APBB1IP: variants seen among roughly 807,000 people sequenced by gnomAD.
APBB1IP encodes amyloid beta precursor protein binding family B member 1 interacting protein, also known as amyloid beta A4 precursor protein-binding family B member 1-interacting protein.
In APBB1IP, 27 loss-of-function variants were observed where a neutral mutation model predicts 64.9. That is an observed-to-expected ratio of 0.42 (90% CI 0.31 to 0.57). APBB1IP has a LOEUF of 0.57. Ranked by LOEUF, APBB1IP falls within the 20% of genes least tolerant of loss-of-function variation. The pLI, the probability that APBB1IP is intolerant of heterozygous loss-of-function variation, is 0.20. For missense variants in APBB1IP, 812 were observed against 845.5 expected (o/e 0.96, Z 0.49); for synonymous variants, 392 against 331.0 (o/e 1.18, Z -2.00).
chr10:26,526,952 A>G (rs140863178), intron 8 of APBB1IP, among the ~76,000 whole-genome samples: 3 of 152,258 alleles, frequency 2.0e-5, no homozygotes, highest in Non-Finnish European at 4.4e-5. Context: ...CAGAAACACA[A>G]CTTCTTTGCC....
chr10:26,550,036 T>A (rs1486731667), intron 11 of APBB1IP, among the ~76,000 whole-genome samples: 3 of 152,044 alleles, frequency 2.0e-5, no homozygotes, highest in Non-Finnish European at 2.9e-5. Context: ...GTTTTTTTTT[T>A]AATCTTTTTT....
At chr10:26,443,331 G>T (rs1835356411) in intron 2 of APBB1IP, among the ~76,000 whole-genome samples, 1 of 151,854 alleles carries the variant, frequency 6.6e-6, no homozygotes, top group Admixed American at 6.6e-5. Flanking sequence ...GGCTGAGGCA[G>T]GAGAATCGCT....
At chr10:26,471,273 G>A (rs1309652249) in intron 2 of APBB1IP, among the ~76,000 whole-genome samples, 2 of 152,104 alleles carry the variant, frequency 1.3e-5, no homozygotes, top group Admixed American at 6.6e-5. Context: ...CAAGAGATAC[G>A]TGCACAAAAT....
intron 2 of APBB1IP, among the ~76,000 whole-genome samples, chr10:26,471,551 T>C (rs1835715208): frequency 6.6e-6 from 1 of 152,204 alleles, no homozygotes. Flanking sequence ...CAGATTCTTC[T>C]GATATAAAGT....
intron 11 of APBB1IP, among the ~76,000 whole-genome samples, chr10:26,556,071 T>A (rs1050583217): frequency 6.6e-6 from 1 of 152,200 alleles, no homozygotes; most frequent in African/African-American, 2.4e-5. Flanking sequence ...TAAGTGCCCT[T>A]TAAGCAGTGA....
intron 13 of APBB1IP, among the ~76,000 whole-genome samples, chr10:26,561,656 C>T (rs1836974337): frequency 2.0e-5 from 3 of 152,034 alleles, no homozygotes; most frequent in Admixed American, 2.0e-4. Flanking sequence ...TGTCTTGCAC[C>T]CAATCCTGGA....
chr10:26,533,994 G>A (rs1836587293), intron 9 of APBB1IP, among the ~76,000 whole-genome samples: 1 of 151,856 alleles, frequency 6.6e-6, no homozygotes, highest in Admixed American at 6.6e-5. Context: ...GAACCTGACA[G>A]ATTCCGAATT....
chr10:26,492,874 G>T lies in APBB1IP; in HGVS notation c.72+476G>T, dbSNP rs1835974187. On this transcript the variant is annotated intron_variant, in intron 3 of 14. Transcript: ENST00000376236. ...TGTCATTGGTAAACATCTTAACAGG[G>T]TTCAAGAGCAGAGAACCAGTCTGAC... Among the ~76,000 whole-genome samples, 5 of 152,124 alleles carry T rather than the reference G, an allele frequency of 3.3e-5. No homozygotes were observed. The South Asian group carries it at 1.0e-3, about 31-fold the overall frequency.
At chr10:26,555,365 G>A (rs1836882376) in intron 11 of APBB1IP, among the ~76,000 whole-genome samples, 1 of 152,108 alleles carries the variant, frequency 6.6e-6, no homozygotes, top group Non-Finnish European at 1.5e-5. Context: ...ATGGTTTCCA[G>A]ACCTCAGCCA....
intron 6 of APBB1IP, among the ~76,000 whole-genome samples, chr10:26,511,300 C>T (rs778963267): frequency 5.7e-4 from 86 of 152,208 alleles, no homozygotes; most frequent in Non-Finnish European, 9.6e-4. Flanking sequence ...GCTGAGATCA[C>T]GCCACTGCAC....
chr10:26,504,640 G>T (rs1204586704), intron 6 of APBB1IP, among the ~76,000 whole-genome samples: 2 of 151,934 alleles, frequency 1.3e-5, no homozygotes, highest in Non-Finnish European at 2.9e-5. Flanking sequence ...AGCCCAGAAG[G>T]CGGAGGTTGC....
chr10:26,481,272 T>C (rs889461847), intron 2 of APBB1IP, among the ~76,000 whole-genome samples: 4 of 152,112 alleles, frequency 2.6e-5, no homozygotes, highest in East Asian at 1.9e-4. Flanking sequence ...GGGAACATTT[T>C]TGGGTGTTGT....
intron 6 of APBB1IP, among the ~76,000 whole-genome samples, chr10:26,505,642 G>A (rs1006905210): frequency 6.6e-6 from 1 of 151,878 alleles, no homozygotes; most frequent in Admixed American, 6.6e-5. Flanking sequence ...ACCACACCTG[G>A]CCTCAGCTAA....
intron 2 of APBB1IP, among the ~76,000 whole-genome samples, chr10:26,485,982 C>A (rs556339594): frequency 6.6e-6 from 1 of 152,108 alleles, no homozygotes; most frequent in South Asian, 2.1e-4. Context: ...GTAATCCCAG[C>A]ATTTTGGGAG....
At chr10:26,531,463 C>A (rs1340096677) in intron 8 of APBB1IP, among the ~76,000 whole-genome samples, 1 of 152,078 alleles carries the variant, frequency 6.6e-6, no homozygotes, top group African/African-American at 2.4e-5. Flanking sequence ...GTCAGGAGAT[C>A]GAGACCATCC....
At chr10:26,538,174 C>A (rs1836651591) in intron 10 of APBB1IP, among the ~76,000 whole-genome samples, 1 of 152,122 alleles carries the variant, frequency 6.6e-6, no homozygotes, top group African/African-American at 2.4e-5. Context: ...GAAAGTTTTT[C>A]TTTACACAAA....
intron 2 of APBB1IP, among the ~76,000 whole-genome samples, chr10:26,489,543 G>A (rs1030298183): frequency 1.3e-5 from 2 of 152,108 alleles, no homozygotes; most frequent in Admixed American, 6.6e-5. Flanking sequence ...ACTGATTCAC[G>A]CAAAATGATT....
At chr10:26,523,103 C>T (rs1430944563) in intron 8 of APBB1IP, among the ~76,000 whole-genome samples, 1 of 151,966 alleles carries the variant, frequency 6.6e-6, no homozygotes, top group African/African-American at 2.4e-5. Flanking sequence ...CATTTTCCCC[C>T]TGGTTAATTC....
chr10:26,503,055 T>C, intron 5 of APBB1IP, 142 bp from the exon 6 acceptor site: 1 of 703,882 alleles, frequency 1.4e-6, no homozygotes, highest in Non-Finnish European at 2.3e-6. Flanking sequence ...TAAAAAGTAA[T>C]TAATAAATTC....
Sources: gnomAD v4.1 joint callset for allele counts (sites outside exome capture counted in the v4.1 genomes callset) on GRCh38, gnomAD v4.1.1 for gene constraint, MANE v1.5 for transcripts, NCBI Gene and HGNC (gene_info 2026-07-23, HGNC 2026-07-21) for gene names.